The following RCOR2 variants were observed in gnomAD, a reference collection of about 807,000 sequenced individuals.
RCOR2 encodes REST corepressor 2.
In RCOR2, 19 loss-of-function variants were observed where a neutral mutation model predicts 58.9. That is an observed-to-expected ratio of 0.32 (90% CI 0.23 to 0.47). The LOEUF is 0.47. RCOR2 is among the 20% of genes least tolerant of loss of function. The probability of loss-of-function intolerance (pLI) is 1.00; values close to 1 mark genes in which losing one functional copy is unlikely to be tolerated. For synonymous variants in RCOR2, 286 were observed against 278.7 expected (o/e 1.03, Z -0.26); for missense variants, 590 against 707.9 (o/e 0.83, Z 1.89).
At chr11:63,913,176 A>AT (rs1941802598) in intron 8 of RCOR2, among the ~76,000 whole-genome samples, 2 of 119,424 alleles carry the variant, frequency 1.7e-5, no homozygotes, top group African/African-American at 7.0e-5. Context: ...ATATATATAT[A>AT]TATATATATT....
chr11:63,913,279 C>T (rs1236234554), intron 8 of RCOR2, among the ~76,000 whole-genome samples: 1 of 148,200 alleles, frequency 6.7e-6, no homozygotes, highest in African/African-American at 2.5e-5. Context: ...CTCTGCCTCC[C>T]GGGTTCAAGC....
chr11:63,913,200 T>G (rs1160003948), intron 8 of RCOR2, among the ~76,000 whole-genome samples: 2 of 141,744 alleles, frequency 1.4e-5, no homozygotes, highest in Non-Finnish European at 3.1e-5. Flanking sequence ...TTTTTTTTTT[T>G]TTTGAGAAGG....
In RCOR2 at chr11:63,912,952, G is replaced by A; in HGVS notation, c.892-5C>T. 1 of 1,611,364 alleles carries A rather than the reference G, an allele frequency of 6.2e-7. No individual in the cohort carries two copies. Among genetic ancestry groups the A allele is most frequent in the South Asian group, 1.1e-5 (1 of 90,662 alleles). ...CGTCTGCTTCATGCTCTGTACCTGG[G>A]AAGGCCAGGAAGTGGAGGAATATCA... is the stretch of plus-strand genomic sequence containing the variant. On this transcript the variant is annotated splice_region_variant and splice_polypyrimidine_tract_variant and intron_variant, in intron 8 of 11. Transcript: ENST00000301459.
At chr11:63,924,663 C>T in the RCOR2 span, among the ~76,000 whole-genome samples, 1 of 152,122 alleles carries the variant, frequency 6.6e-6, no homozygotes, top group Non-Finnish European at 1.5e-5. Flanking sequence ...GGACTCTCTG[C>T]CTCCTCTCTT....
rs773944541 is a variant in RCOR2 at position 63,912,266 on chromosome 11, CCT to C, written c.1257+37_1257+38del. 42 of 1,599,502 alleles carry C rather than the reference CCT, an allele frequency of 2.6e-5. 2 individuals carry two copies. The South Asian group carries it at 4.4e-4, about 17-fold the overall frequency. On this transcript the variant is annotated intron_variant, in intron 11 of 11. Transcript: ENST00000301459. ...CAAGGCGGCGCCTCACCTCGCCTCG[CCT>C]CTCCTCTCTGAGGGGTTTCTCTCAC...
intron 3 of RCOR2, 106 bp downstream of exon 3, chr11:63,915,072 G>T (rs1019836817): frequency 1.2e-5 from 19 of 1,537,926 alleles, no homozygotes; most frequent in Non-Finnish European, 1.7e-5. Flanking sequence ...CCCAGGGCAA[G>T]GGTTGGACCC....
chr11:63,912,467 C>G lies in RCOR2; in HGVS notation c.1095G>C (p.Gln365His), dbSNP rs1941783194. 1 of 1,614,046 alleles carries G rather than the reference C, an allele frequency of 6.2e-7. No homozygotes were observed. ...GGTAGCTCACAAAGAAAGTCTTCAC[C>G]TGGGTCAGAGTCTTGTTCCCAATCA... ...AEVIGNKTLT[Q>H]VKTFFVSYRR... Residue 365 changes from glutamine (Q) to histidine (H), a missense_variant, in exon 11 of 12, where the codon CAG becomes CAC. By Grantham distance (24) the Gln-to-His change is conservative. This residue lies in a region of RCOR2 where 4 missense variants were observed against 18.5 expected (regional missense o/e 0.22). Coordinates refer to ENST00000301459, the MANE Select transcript of RCOR2 (RefSeq NM_173587.4).
upstream of RCOR2, among the ~76,000 whole-genome samples, chr11:63,919,042 T>C (rs1009179666): frequency 9.2e-5 from 14 of 152,270 alleles, no homozygotes; most frequent in African/African-American, 3.4e-4. Flanking sequence ...AGGAAGACTC[T>C]GCTCTGGAGG....
chr11:63,915,510 G>T, intron 2 of RCOR2, 45 bp downstream of exon 2: 1 of 1,535,126 alleles, frequency 6.5e-7, no homozygotes, highest in Non-Finnish European at 8.8e-7. Flanking sequence ...GCCAAGCCCC[G>T]GGCCTCCACC....
upstream of RCOR2, among the ~76,000 whole-genome samples, chr11:63,919,321 T>A (rs1398852877): frequency 1.3e-5 from 2 of 148,422 alleles, no homozygotes; most frequent in South Asian, 2.2e-4. Context: ...CCTCCCCAGC[T>A]GGCCCCCTCT....
At chr11:63,927,515 C>T in the RCOR2 span, among the ~76,000 whole-genome samples, 31 of 152,180 alleles carry the variant, frequency 2.0e-4, no homozygotes, top group South Asian at 1.0e-3. Context: ...GTGATCTGCC[C>T]GCCTCAGCCT....
the RCOR2 span, among the ~76,000 whole-genome samples, chr11:63,926,172 A>G: frequency 1.3e-5 from 2 of 152,056 alleles, no homozygotes; most frequent in East Asian, 1.9e-4. Flanking sequence ...CAGCCTCCCA[A>G]AGTGCTGGGA....
chr11:63,914,018 C>G lies in RCOR2; in HGVS notation c.827G>C (p.Ser276Thr). 2 of 1,613,814 alleles carry G rather than the reference C, an allele frequency of 1.2e-6. No individual in the cohort carries two copies. The highest frequency in any genetic ancestry group is 1.7e-6 in the Non-Finnish European group (2 of 1,179,970). Residue 276 changes from serine to threonine, a missense_variant, in exon 8 of 12, where the codon AGC becomes ACC. By Grantham distance (58) the Ser-to-Thr change is moderately conservative. Around this residue, in one of 3 missense-constraint regions of RCOR2, gnomAD observed 390 missense variants for 478.7 expected, o/e 0.81. Coordinates refer to ENST00000301459, the MANE Select transcript of RCOR2 (RefSeq NM_173587.4). ...GAGCGTGAGGTTGGCAAGGTCCGGG[C>G]TTCCTGACACTGCCGTGAGGCCTTC... ...SPEGLTAVSG[S>T]PDLANLTLRG...
upstream of RCOR2, among the ~76,000 whole-genome samples, chr11:63,918,288 G>A (rs1343690288): frequency 6.6e-6 from 1 of 152,204 alleles, no homozygotes; most frequent in African/African-American, 2.4e-5. Context: ...GCCCAGCCAG[G>A]GATCCCTGCC....
chr11:63,921,329 G>A (rs953699387), upstream of RCOR2, among the ~76,000 whole-genome samples: 11 of 152,180 alleles, frequency 7.2e-5, no homozygotes, highest in African/African-American at 2.7e-4. Context: ...ACCTCAGTCT[G>A]GGAACAAATG....
Position 63,911,739 on chromosome 11 carries a change from GA to G in RCOR2, c.*125del, listed in dbSNP as rs1452537147. ...CCCAAAGGGCGGGGCTGGGCTGTCC[GA>G]AACTCTGGTCTTACAAAGACCCCGC... On this transcript the variant is annotated 3_prime_UTR_variant, in exon 12 of 12. Coordinates refer to ENST00000301459, the MANE Select transcript of RCOR2 (RefSeq NM_173587.4). 4 of 1,369,544 alleles carry G rather than the reference GA, an allele frequency of 2.9e-6. No homozygotes were observed. Among genetic ancestry groups the G allele is most frequent in the Non-Finnish European group, 3.7e-6 (4 of 1,066,700 alleles). 84.8% of individuals were successfully genotyped at this position (1,369,544 alleles called of 1,614,324 possible).
Position 63,911,654 on chromosome 11 carries a change from GC to G in RCOR2, c.*210del. 4.3e-6 allele frequency: 3 copies of G among 700,196 alleles called. No individual in the cohort carries two copies. Among genetic ancestry groups the G allele is most frequent in the Non-Finnish European group, 6.3e-6 (3 of 476,700 alleles). 43.4% of individuals were successfully genotyped at this position (700,196 alleles called of 1,614,324 possible). ...AAAGTGCCCTCAGGCCAGCTCAAAG[GC>G]CCCTGAGCCCGGCCATGGCCCCAGG... On this transcript the variant is annotated 3_prime_UTR_variant, in exon 12 of 12. Coordinates refer to ENST00000301459, the MANE Select transcript of RCOR2 (RefSeq NM_173587.4).
chr11:63,914,683 C>T lies in RCOR2; in HGVS notation c.452G>A (p.Gly151Asp). 6.2e-7 allele frequency: 1 copy of T among 1,608,250 alleles called. No individual in the cohort carries two copies. Among genetic ancestry groups the T allele is most frequent in the Non-Finnish European group, 8.5e-7 (1 of 1,176,712 alleles). Residue 151 changes from glycine (G) to aspartate (D), a missense_variant, in exon 5 of 12, where the codon GGC becomes GAC. Physicochemically the swap from Gly to Asp is moderately conservative, Grantham distance 94. This residue lies in a region of RCOR2 where 390 missense variants were observed against 478.7 expected (regional missense o/e 0.81). Transcript: ENST00000301459. The stretch of plus-strand genomic sequence containing the variant: ...CTGCTGGATCCGCTGGAAGCATTTG[C>T]CATGGAAGCCAAAGGCCTGTTCAAA... Reference protein sequence around the residue: ...VLFEQAFGFHGKCFQRIQQML... With the variant: ...VLFEQAFGFHDKCFQRIQQML...
Position 63,913,963 on chromosome 11 carries a change from G to T in RCOR2, c.882C>A (p.Leu294=). ...TTTCCCAGGGCCCCACCTGGCGCTTGAGGGAGATGAGCTGAGAGTCAAGAC... is the reference window on the plus strand; with the variant it reads ...TTTCCCAGGGCCCCACCTGGCGCTTTAGGGAGATGAGCTGAGAGTCAAGAC... The part of the protein sequence containing the change: ...LRGLDSQLIS[L]KRQVQSMKQT... The change falls in exon 8 of 12, where the codon CTC becomes CTA. Residue 294 remains leucine (L), a synonymous_variant. Transcript: ENST00000301459. The T allele has an allele frequency of 1.2e-6, 2 of 1,613,514 alleles. No individual in the cohort carries two copies. Among genetic ancestry groups the T allele is most frequent in the East Asian group, 4.5e-5 (2 of 44,858 alleles).
Sources: gnomAD v4.1 joint callset for allele counts (sites outside exome capture counted in the v4.1 genomes callset) on GRCh38, gnomAD v4.1.1 for gene constraint, gnomAD v4.1.1 regional missense constraint, MANE v1.5 for transcripts, NCBI Gene and HGNC (gene_info 2026-07-23, HGNC 2026-07-21) for gene names.